The following FLYWCH2 variants were observed in gnomAD, a reference collection of about 807,000 sequenced individuals.
The protein encoded by FLYWCH2 is FLYWCH family member 2.
FLYWCH2 carries 2 observed loss-of-function variants against 6.0 expected under a neutral mutation model. That is an observed-to-expected ratio of 0.33 (90% CI 0.14 to 1.04). FLYWCH2 has a LOEUF of 1.04. Ranked by LOEUF, FLYWCH2 falls within the 50% of genes least tolerant of loss-of-function variation. The probability of loss-of-function intolerance (pLI) is 0.45; values close to 1 mark genes in which losing one functional copy is unlikely to be tolerated. For synonymous variants in FLYWCH2, 87 were observed against 79.3 expected (o/e 1.10, Z -0.52); for missense variants, 192 against 183.4 (o/e 1.05, Z -0.27).
At chr16:2,893,700 C>A (rs993416452) in intron 1 of FLYWCH2, among the ~76,000 whole-genome samples, 4 of 147,150 alleles carry the variant, frequency 2.7e-5, no homozygotes, top group Non-Finnish European at 6.0e-5. Context: ...TGCAGTGGCA[C>A]GATCTCGGCT....
intron 1 of FLYWCH2, among the ~76,000 whole-genome samples, chr16:2,893,579 T>C (rs1596338259): frequency 2.0e-5 from 3 of 152,110 alleles, no homozygotes; most frequent in African/African-American, 7.2e-5. Context: ...TCGTTTAATA[T>C]GGGGTTTGAA....
chr16:2,890,015 G>A (rs1237971462), intron 1 of FLYWCH2, among the ~76,000 whole-genome samples: 1 of 152,118 alleles, frequency 6.6e-6, no homozygotes, highest in Admixed American at 6.6e-5. Context: ...GAGCCCATGA[G>A]TGTGAGGTTA....
intron 3 of FLYWCH2, chr16:2,897,018 G>T: frequency 3.5e-6 from 2 of 567,036 alleles, no homozygotes; most frequent in Non-Finnish European, 6.2e-6. Context: ...CTGCCTACTG[G>T]CTCCTTCACA....
At chr16:2,897,066 C>G (rs1289775794) in intron 3 of FLYWCH2, among the ~76,000 whole-genome samples, 1 of 152,224 alleles carries the variant, frequency 6.6e-6, no homozygotes, top group Non-Finnish European at 1.5e-5. Context: ...CCACAGGCAG[C>G]TGCCGTCAGC....
rs1007654643 is a variant in FLYWCH2 at position 2,896,373 on chromosome 16, G to T, written c.-77G>T. On this transcript the variant is annotated 5_prime_UTR_variant, in exon 3 of 4. Transcript: ENST00000396958. ...TTAGGACGGAACCGCTGGACTCCAGGTTCCTTGCCTGGGAGTAGGAGAAAT... is the reference window on the plus strand; with the variant it reads ...TTAGGACGGAACCGCTGGACTCCAGTTTCCTTGCCTGGGAGTAGGAGAAAT... The T allele has an allele frequency of 4.0e-6, 6 of 1,498,602 alleles. No individual in the cohort carries two copies. The African/African-American group carries it at 7.0e-5, about 17-fold the overall frequency. 92.8% of individuals were successfully genotyped at this position (1,498,602 alleles called of 1,614,324 possible).
chr16:2,894,290 C>T (rs546045027), intron 1 of FLYWCH2, among the ~76,000 whole-genome samples: 91 of 152,264 alleles, frequency 6.0e-4, no homozygotes, highest in East Asian at 2.5e-3. Flanking sequence ...GGGAGCGCTG[C>T]AGTGGCAGAA....
At chr16:2,889,911 C>T (rs146866138) in intron 1 of FLYWCH2, among the ~76,000 whole-genome samples, 153 of 152,120 alleles carry the variant, frequency 1.0e-3, no homozygotes, top group African/African-American at 3.6e-3. Flanking sequence ...ATGGTGAAAC[C>T]GTGTCTCTAT....
In FLYWCH2 at chr16:2,899,211, A is replaced by G; in HGVS notation, c.*62A>G. Reference sequence around the variant, plus strand: ...CAGCCATAGGCTCTTCTCTGTCCGCAGGGCTTCTGGGGCCAAATGGGTGAA... The same window carrying G: ...CAGCCATAGGCTCTTCTCTGTCCGCGGGGCTTCTGGGGCCAAATGGGTGAA... On this transcript the variant is annotated 3_prime_UTR_variant, in exon 4 of 4. Coordinates refer to ENST00000396958, the MANE Select transcript of FLYWCH2 (RefSeq NM_138439.3). 1 of 1,218,544 alleles carries G rather than the reference A, an allele frequency of 8.2e-7. No homozygotes were observed. Among genetic ancestry groups the G allele is most frequent in the Non-Finnish European group, 1.1e-6 (1 of 873,912 alleles). The allele number at this position is 1,218,544 out of a possible 1,614,324, so 75.5% of individuals were successfully genotyped here.
At chr16:2,884,574 A>AAAAAAAAAAAAAAG (rs1183267272) in intron 1 of FLYWCH2, among the ~76,000 whole-genome samples, 1 of 144,404 alleles carries the variant, frequency 6.9e-6, no homozygotes, top group African/African-American at 2.6e-5. Context: ...AAAAAAAAAA[A>AAAAAAAAAAAAAAG]AAATACAAAA....
At chr16:2,892,755 G>A (rs1263750554) in intron 1 of FLYWCH2, among the ~76,000 whole-genome samples, 4 of 148,152 alleles carry the variant, frequency 2.7e-5, no homozygotes, top group African/African-American at 1.0e-4. Flanking sequence ...GAGGCAGGAG[G>A]ATCACTTGAA....
rs1048693005 is a variant in FLYWCH2, at chr16:2,883,300, C to G, written c.-266C>G. The G allele has an allele frequency of 1.3e-5, 2 of 152,428 alleles. No individual in the cohort carries two copies. Among genetic ancestry groups the G allele is most frequent in the South Asian group, 4.1e-4 (2 of 4,838 alleles). The allele number at this position is 152,428 out of a possible 1,614,324, so 9.4% of individuals were successfully genotyped here. ...AACAGCGCGAGCTGAGGCTGGGGCC[C>G]TTGGCGCGGAGGCTGAGGGACCCGC... On this transcript the variant is annotated 5_prime_UTR_variant, in exon 1 of 4. Transcript: ENST00000396958.
rs769218180 is a variant in FLYWCH2, at chr16:2,896,617, G to A, written c.168G>A (p.Gly56=). 4.3e-6 allele frequency: 7 copies of A among 1,614,034 alleles called. No homozygotes were observed. Among genetic ancestry groups the A allele is most frequent in the South Asian group, 1.1e-5 (1 of 91,086 alleles). ...TASKDSTKVA[G]AKRKGVHCVM... ...CCAAAGACAGCACCAAGGTGGCGGG[G>A]GCCAAGCGCAAGGGTGTGCACTGTG... The change falls in exon 3 of 4, where the codon GGG becomes GGA. Residue 56 remains glycine, a synonymous_variant. Transcript: ENST00000396958.
chr16:2,884,120 C>CTGTCCATAT (rs1420507934), intron 1 of FLYWCH2, among the ~76,000 whole-genome samples: 2 of 152,186 alleles, frequency 1.3e-5, no homozygotes, highest in Admixed American at 6.5e-5. Flanking sequence ...TGGGGAGCAG[C>CTGTCCATAT]TGTCCATATC....
intron 1 of FLYWCH2, among the ~76,000 whole-genome samples, chr16:2,886,203 C>T (rs548041099): frequency 1.8e-3 from 278 of 150,918 alleles, no homozygotes; most frequent in African/African-American, 6.4e-3. Flanking sequence ...TTTTTTTAGA[C>T]GGAGTACCAC....
chr16:2,889,812 A>C (rs2069736222), intron 1 of FLYWCH2, among the ~76,000 whole-genome samples: 1 of 152,154 alleles, frequency 6.6e-6, no homozygotes, highest in Non-Finnish European at 1.5e-5. Context: ...AGAACTGGGC[A>C]CAGTGGCTCA....
chr16:2,893,375 C>T (rs1005899063), intron 1 of FLYWCH2, among the ~76,000 whole-genome samples: 2 of 152,142 alleles, frequency 1.3e-5, no homozygotes, highest in South Asian at 4.1e-4. Flanking sequence ...AAAAAGACAT[C>T]ATTTTGGAGA....
At chr16:2,898,229 CG>C (rs1275619621) in intron 3 of FLYWCH2, among the ~76,000 whole-genome samples, 2 of 152,136 alleles carry the variant, frequency 1.3e-5, no homozygotes, top group African/African-American at 4.8e-5. Context: ...ATGGACCCCT[CG>C]GCCTCCATCC....
At chr16:2,896,141 G>A (rs1009591090) in intron 2 of FLYWCH2, among the ~76,000 whole-genome samples, 6 of 152,204 alleles carry the variant, frequency 3.9e-5, no homozygotes, top group African/African-American at 1.4e-4. Context: ...ACCTTTTCCA[G>A]ATGGGGAAAG....
In FLYWCH2 at chr16:2,899,274, T is replaced by TTC. The variant is rs2069858590; in HGVS notation, c.*126_*127insCT. On this transcript the variant is annotated 3_prime_UTR_variant, in exon 4 of 4. Coordinates refer to ENST00000396958, the MANE Select transcript of FLYWCH2 (RefSeq NM_138439.3). ...ACATTGTGTGATTTCTTTTCTTTTT[T>TTC]TTTTTTTTTTTAGATCAAGTATAAG... The TTC allele has an allele frequency of 1.6e-5, 9 of 575,456 alleles. No individual in the cohort carries two copies. In the South Asian group the frequency reaches 1.9e-4, roughly 12 times the overall value. 35.6% of individuals were successfully genotyped at this position (575,456 alleles called of 1,614,324 possible). A position where few individuals can be genotyped will look rare whatever the true frequency, so the allele number is the denominator to read the frequency against.
Sources: gnomAD v4.1 joint callset for allele counts (sites outside exome capture counted in the v4.1 genomes callset) on GRCh38, gnomAD v4.1.1 for gene constraint, MANE v1.5 for transcripts, NCBI Gene and HGNC (gene_info 2026-07-23, HGNC 2026-07-21) for gene names.